TRANK1: variants seen among roughly 807,000 people sequenced by gnomAD.
The protein encoded by TRANK1 is tetratricopeptide repeat and ankyrin repeat containing 1, also known as TPR and ankyrin repeat-containing protein 1.
A neutral mutation model predicts 266.0 loss-of-function variants in TRANK1; 198 were observed. The observed-to-expected ratio is 0.74, with a 90% CI of 0.66 to 0.84. The LOEUF (loss-of-function observed/expected upper bound fraction) is 0.84, where lower values mean the gene tolerates loss of function less well. Ranked by LOEUF, TRANK1 falls within the 40% of genes least tolerant of loss-of-function variation. The probability of loss-of-function intolerance (pLI) is 0.00; values close to 1 mark genes in which losing one functional copy is unlikely to be tolerated. For synonymous variants in TRANK1, 1,396 were observed against 1,384.1 expected (o/e 1.01, Z -0.19); for missense variants, 3,326 against 3,634.6 (o/e 0.92, Z 2.18).
Position 36,851,722 on chromosome 3 carries a change from A to AG in TRANK1, c.4883dup (p.Glu1629Ter). Reference sequence around the variant, plus strand: ...AAAAGAATTAGGTGTGACATACCTCAGAATCAGTAAAAAAGTTGTAAAGGA... The same window carrying AG: ...AAAAGAATTAGGTGTGACATACCTCAGGAATCAGTAAAAAAGTTGTAAAGGA... On this transcript the variant is annotated frameshift_variant, in exon 15 of 24. Coordinates refer to ENST00000645898, the MANE Select transcript of TRANK1 (RefSeq NM_001329998.2). LOFTEE classifies it high-confidence loss of function. The AG allele has an allele frequency of 6.2e-7, 1 of 1,610,728 alleles. No individual in the cohort carries two copies. Among genetic ancestry groups the AG allele is most frequent in the Non-Finnish European group, 8.5e-7 (1 of 1,179,010 alleles).
Position 36,912,173 on chromosome 3 carries a change from G to A in TRANK1, c.24-3719C>T, listed in dbSNP as rs187488528. On this transcript the variant is annotated intron_variant, in intron 1 of 23. Transcript: ENST00000645898. ...CCACTGCATTCCAGCCTGGGCAACA[G>A]AGTGAGACTCTGTCAAAAAAAAAAA... is the stretch of plus-strand genomic sequence containing the variant. Among the ~76,000 whole-genome samples the A allele has an allele frequency of 1.2e-3, 186 of 151,276 alleles. 1 individual carries two copies. Among genetic ancestry groups the A allele is most frequent in the African/African-American group, 4.3e-3 (178 of 41,222 alleles).
At position 36,871,490 on chromosome 3, in the gene TRANK1, G is replaced by A. The variant is rs919008978; in HGVS notation, c.1078+2636C>T. On this transcript the variant is annotated intron_variant, in intron 9 of 23. Coordinates refer to ENST00000645898, the MANE Select transcript of TRANK1 (RefSeq NM_001329998.2). Reference sequence around the variant, plus strand: ...GCCTGAAAATTCACTGACCTGTTTGGCTACTTGGAGTTTCTCAAATCATGG... The same window carrying A: ...GCCTGAAAATTCACTGACCTGTTTGACTACTTGGAGTTTCTCAAATCATGG... Among the ~76,000 whole-genome samples the A allele has an allele frequency of 2.6e-5, 4 of 152,054 alleles. No homozygotes were observed. In the East Asian group the frequency reaches 7.7e-4, roughly 29 times the overall value.
At chr3:36,882,984 T>A (rs1324527726) in intron 8 of TRANK1, among the ~76,000 whole-genome samples, 1 of 152,160 alleles carries the variant, frequency 6.6e-6, no homozygotes, top group East Asian at 1.9e-4. Context: ...CAACAAATTC[T>A]ACTGGTGAGA....
intron 1 of TRANK1, among the ~76,000 whole-genome samples, chr3:36,935,698 C>T (rs368922783): frequency 2.0e-5 from 3 of 152,124 alleles, no homozygotes; most frequent in Non-Finnish European, 2.9e-5. Context: ...CCGCCCATCT[C>T]GGCTTTCCAA....
In TRANK1 at chr3:36,899,271, T is replaced by C. The variant is rs1296350758; in HGVS notation, c.283-12A>G. 3 of 1,535,608 alleles carry C rather than the reference T, an allele frequency of 2.0e-6. No individual in the cohort carries two copies. The highest frequency in any genetic ancestry group is 2.6e-6 in the Non-Finnish European group (3 of 1,146,402). Reference sequence around the variant, plus strand: ...GCTCGGTAGTATCCCTGGAACAGGATAAAAAGCAAAACTGTCATGTACCAC... The same window carrying C: ...GCTCGGTAGTATCCCTGGAACAGGACAAAAAGCAAAACTGTCATGTACCAC... On this transcript the variant is annotated splice_polypyrimidine_tract_variant and intron_variant, in intron 3 of 23. Transcript: ENST00000645898.
At chr3:36,914,827 G>A (rs530626328) in intron 1 of TRANK1, among the ~76,000 whole-genome samples, 5 of 151,774 alleles carry the variant, frequency 3.3e-5, no homozygotes, top group South Asian at 2.1e-4. Context: ...TAGTAGAGAC[G>A]GGGTTTCACC....
intron 1 of TRANK1, among the ~76,000 whole-genome samples, chr3:36,942,613 C>A (rs2080511824): frequency 6.6e-6 from 1 of 151,742 alleles, no homozygotes; most frequent in African/African-American, 2.4e-5. Context: ...ACCAAAGTAA[C>A]CAGAAGCATC....
intron 10 of TRANK1, among the ~76,000 whole-genome samples, chr3:36,862,769 CAGAG>C (rs1213298258): frequency 3.9e-5 from 6 of 152,172 alleles, no homozygotes; most frequent in Admixed American, 6.5e-5. Context: ...GTCATCTCCA[CAGAG>C]AGTCTGAGAT....
intron 9 of TRANK1, among the ~76,000 whole-genome samples, chr3:36,871,513 T>C (rs1036234812): frequency 2.6e-5 from 4 of 152,174 alleles, no homozygotes; most frequent in Non-Finnish European, 5.9e-5. Context: ...TCTCAAATCA[T>C]GGAAACCATT....
At chr3:36,852,394 GT>G in intron 13 of TRANK1, 49 bp from the exon 14 acceptor site, 5 of 1,481,970 alleles carry the variant, frequency 3.4e-6, no homozygotes, top group Non-Finnish European at 4.5e-6. Context: ...ACATGGCTGA[GT>G]TTTTTGGTTA....
chr3:36,934,800 A>T (rs2080402616), intron 1 of TRANK1, among the ~76,000 whole-genome samples: 1 of 152,176 alleles, frequency 6.6e-6, no homozygotes, highest in Admixed American at 6.5e-5. Flanking sequence ...CAACAAGCCA[A>T]AGACACACAG....
At position 36,831,788 on chromosome 3, in the gene TRANK1, T is replaced by C. The variant is rs376721155; in HGVS notation, c.7795A>G (p.Met2599Val). 4 of 1,613,848 alleles carry C rather than the reference T, an allele frequency of 2.5e-6. No individual in the cohort carries two copies. The highest frequency in any genetic ancestry group is 3.4e-6 in the Non-Finnish European group (4 of 1,179,886). Residue 2599 changes from methionine to valine, a missense_variant, in exon 22 of 24, where the codon ATG becomes GTG. Transcript: ENST00000645898. The surrounding 1 kb of genome is among the most constrained non-coding windows in gnomAD (Gnocchi z 5.0). ...FREIESRLQLMSMDCPGQVPE... is the reference protein window; with the variant it reads ...FREIESRLQLVSMDCPGQVPE... ...ACCTGGCCAGGGCAGTCCATGCTCATGAGCTGCAGCCTTGACTCAATCTCC... is the reference window on the plus strand; with the variant it reads ...ACCTGGCCAGGGCAGTCCATGCTCACGAGCTGCAGCCTTGACTCAATCTCC...
intron 10 of TRANK1, among the ~76,000 whole-genome samples, chr3:36,863,680 G>A (rs1230906491): frequency 6.6e-6 from 1 of 152,146 alleles, no homozygotes; most frequent in Non-Finnish European, 1.5e-5. Context: ...AGCTTAAAGA[G>A]GTTAATTAAT....
chr3:36,944,696 G>T (rs2080547753), intron 1 of TRANK1, 91 bp downstream of exon 1: 3 of 1,435,626 alleles, frequency 2.1e-6, no homozygotes, highest in Non-Finnish European at 2.8e-6. Context: ...CCTCAGGGTC[G>T]CCAGTCCCCG....
At chr3:36,872,009 C>T (rs2079316936) in intron 9 of TRANK1, among the ~76,000 whole-genome samples, 1 of 152,226 alleles carries the variant, frequency 6.6e-6, no homozygotes, top group African/African-American at 2.4e-5. Context: ...TGCTTACCAA[C>T]TATTAAGTAT....
chr3:36,861,749 A>C (rs1490213102), intron 10 of TRANK1, among the ~76,000 whole-genome samples: 1 of 131,430 alleles, frequency 7.6e-6, no homozygotes, highest in Non-Finnish European at 1.5e-5. Context: ...TCTGTCGCCC[A>C]GGCTGGAATA....
At chr3:36,859,183 A>T (rs1218720206) in intron 11 of TRANK1, among the ~76,000 whole-genome samples, 1 of 151,710 alleles carries the variant, frequency 6.6e-6, no homozygotes, top group Non-Finnish European at 1.5e-5. Context: ...TGGCATGAGG[A>T]CAGGGCATGA....
At chr3:36,896,493 T>C (rs1028510860) in intron 4 of TRANK1, among the ~76,000 whole-genome samples, 1 of 152,224 alleles carries the variant, frequency 6.6e-6, no homozygotes, top group Non-Finnish European at 1.5e-5. Flanking sequence ...ATTTAGAAAC[T>C]GGGCGACGCC....
chr3:36,836,658 T>A (rs1042877000), intron 20 of TRANK1, among the ~76,000 whole-genome samples: 1 of 152,216 alleles, frequency 6.6e-6, no homozygotes, highest in African/African-American at 2.4e-5. Flanking sequence ...TACCCACCAA[T>A]GGTGGGCTTG....
Sources: gnomAD v4.1 joint callset for allele counts (sites outside exome capture counted in the v4.1 genomes callset) on GRCh38, gnomAD v4.1.1 for gene constraint, Gnocchi (gnomAD v3.1) non-coding constraint, MANE v1.5 for transcripts, NCBI Gene and HGNC (gene_info 2026-07-23, HGNC 2026-07-21) for gene names.